The following ABLIM2 variants were observed in gnomAD, a reference collection of about 807,000 sequenced individuals.
ABLIM2 encodes the protein actin binding LIM protein family member 2.
Under a neutral mutation model 97.7 loss-of-function variants are expected in ABLIM2, and 53 were observed. The ratio of observed to expected loss-of-function variants is 0.54; its 90% CI spans 0.44 to 0.68. The LOEUF (loss-of-function observed/expected upper bound fraction) is 0.68, where lower values mean the gene tolerates loss of function less well. ABLIM2 is among the 30% of genes least tolerant of loss of function. ABLIM2 has a pLI of 0.00. For synonymous variants in ABLIM2, 361 were observed against 345.8 expected (o/e 1.04, Z -0.49); for missense variants, 835 against 867.2 (o/e 0.96, Z 0.47).
chr4:7,974,306 TCCACCAATCCATCCAC>T (rs1210666991), intron 20 of ABLIM2, among the ~76,000 whole-genome samples: 5 of 143,920 alleles, frequency 3.5e-5, no homozygotes. Flanking sequence ...CATCCACCCA[TCCACCAATCCATCCAC>T]CCACCAATCC....
rs1361750974 is a variant in ABLIM2 at position 8,127,161 on chromosome 4, A to G, written c.11-20524T>C. Among the ~76,000 whole-genome samples, 1 of 151,932 alleles carries G rather than the reference A, an allele frequency of 6.6e-6. No individual in the cohort carries two copies. The highest frequency in any genetic ancestry group is 1.5e-5 in the Non-Finnish European group (1 of 67,984). ...CTGTGGGTGAGAATCACCACCTTAA[A>G]GGAAAAAAGAAAAGGGAGGGAGGGA... On this transcript the variant is annotated intron_variant, in intron 1 of 20. Coordinates refer to ENST00000447017, the MANE Select transcript of ABLIM2 (RefSeq NM_001130083.2). The surrounding 1 kb of genome is among the most constrained non-coding windows in gnomAD (Gnocchi z 7.3).
chr4:8,152,644 C>T (rs1277272614), intron 1 of ABLIM2, among the ~76,000 whole-genome samples: 1 of 152,242 alleles, frequency 6.6e-6, no homozygotes, highest in African/African-American at 2.4e-5. Context: ...TCTTTCGGGG[C>T]TTCCCCGGGA....
intron 14 of ABLIM2, among the ~76,000 whole-genome samples, chr4:8,013,376 C>T (rs1766435104): frequency 6.6e-6 from 1 of 152,064 alleles, no homozygotes; most frequent in East Asian, 1.9e-4. Flanking sequence ...GTGACCACCA[C>T]CATGCCCGGC....
chr4:7,976,680 CAT>C (rs996057636), intron 20 of ABLIM2, among the ~76,000 whole-genome samples: 41 of 150,578 alleles, frequency 2.7e-4, no homozygotes, highest in East Asian at 1.5e-3. Flanking sequence ...CACACACACA[CAT>C]GTGCATGCAC....
chr4:8,038,947 G>A (rs1786308458), intron 9 of ABLIM2, among the ~76,000 whole-genome samples: 1 of 152,124 alleles, frequency 6.6e-6, no homozygotes, highest in Non-Finnish European at 1.5e-5. Context: ...CCCTCTCTGG[G>A]ATGTGCCCCT....
intron 4 of ABLIM2, among the ~76,000 whole-genome samples, chr4:8,086,856 G>A (rs1470736821): frequency 6.6e-6 from 1 of 151,748 alleles, no homozygotes; most frequent in Admixed American, 6.6e-5. Flanking sequence ...GTCAATCCAG[G>A]CCCCAGCTGG....
chr4:8,133,978 C>T (rs1306303437), intron 1 of ABLIM2, among the ~76,000 whole-genome samples: 2 of 151,898 alleles, frequency 1.3e-5, no homozygotes, highest in Non-Finnish European at 2.9e-5. Context: ...ATGAAGCTGG[C>T]AGGTTGCAGG....
At chr4:8,081,386 G>A (rs183482718) in intron 4 of ABLIM2, among the ~76,000 whole-genome samples, 39 of 152,270 alleles carry the variant, frequency 2.6e-4, no homozygotes, top group Non-Finnish European at 4.6e-4. Context: ...CTGCTCACTT[G>A]TCCTGTGTCC....
intron 14 of ABLIM2, among the ~76,000 whole-genome samples, chr4:8,012,901 C>T (rs1285321724): frequency 6.6e-6 from 1 of 152,232 alleles, no homozygotes; most frequent in Non-Finnish European, 1.5e-5. Context: ...ATCGATCAGT[C>T]CATCTACCCT....
rs949561634 is a variant in ABLIM2 at position 8,033,400 on chromosome 4, T to A, written c.1047+2749A>T. ...CTGCCACGGGCCCTGTGAAGCCCTGTGCCATGGGAGGTGGGAAGCTGAAGG... is the reference window on the plus strand; with the variant it reads ...CTGCCACGGGCCCTGTGAAGCCCTGAGCCATGGGAGGTGGGAAGCTGAAGG... On this transcript the variant is annotated intron_variant, in intron 10 of 20. Transcript: ENST00000447017. This position sits in a 1 kb window ranked among gnomAD's most constrained non-coding sequence, Gnocchi z 4.5. 1.3e-5 allele frequency among the ~76,000 whole-genome samples: 2 copies of A among 152,102 alleles called. No individual in the cohort carries two copies. The highest frequency in any genetic ancestry group is 2.9e-5 in the Non-Finnish European group (2 of 68,002).
rs1374435606 is a variant in ABLIM2 at position 8,102,854 on chromosome 4, T to A, written c.154+3640A>T. Among the ~76,000 whole-genome samples, 3 of 152,210 alleles carry A rather than the reference T, an allele frequency of 2.0e-5. No individual in the cohort carries two copies. The East Asian group carries it at 5.8e-4, about 29-fold the overall frequency. ...GCTAAGTCAGCCACGAGCCCCCCGTTCCTCTTTGCCGGTGGGGGTGAACGT... is the reference window on the plus strand; with the variant it reads ...GCTAAGTCAGCCACGAGCCCCCCGTACCTCTTTGCCGGTGGGGGTGAACGT... On this transcript the variant is annotated intron_variant, in intron 2 of 20. Coordinates refer to ENST00000447017, the MANE Select transcript of ABLIM2 (RefSeq NM_001130083.2).
rs1441446269 is a variant in ABLIM2, at chr4:8,082,548, A to C, written c.455-1746T>G. ...GACCTGAGTCATATTGTTTTTAACA[A>C]TTAAAACAAACGAACACTCACAAAG... On this transcript the variant is annotated intron_variant, in intron 4 of 20. Coordinates refer to ENST00000447017, the MANE Select transcript of ABLIM2 (RefSeq NM_001130083.2). This position sits in a 1 kb window ranked among gnomAD's most constrained non-coding sequence, Gnocchi z 5.6. Among the ~76,000 whole-genome samples, 5 of 152,246 alleles carry C rather than the reference A, an allele frequency of 3.3e-5. No individual in the cohort carries two copies. The highest frequency in any genetic ancestry group is 1.2e-4 in the African/African-American group (5 of 41,466).
chr4:8,097,362 C>CCACA lies in ABLIM2; in HGVS notation c.155-84_155-81dup. ...CCCCAGGCCCGAGGTGCACCCCCCT[C>CCACA]CACACACACACCACCACCTGACACA... On this transcript the variant is annotated intron_variant, in intron 2 of 20. Transcript: ENST00000447017. 3 of 1,484,870 alleles carry CCACA rather than the reference C, an allele frequency of 2.0e-6. No individual in the cohort carries two copies. The South Asian group carries it at 3.7e-5, about 18-fold the overall frequency. The allele number at this position is 1,484,870 out of a possible 1,614,324, so 92.0% of individuals were successfully genotyped here.
In ABLIM2 at chr4:8,032,811, G is replaced by T. The variant is rs1040599817; in HGVS notation, c.1048-3035C>A. The T allele has an allele frequency of 3.3e-6, 3 of 903,182 alleles. No individual in the cohort carries two copies. Among genetic ancestry groups the T allele is most frequent in the Non-Finnish European group, 5.4e-6 (3 of 560,468 alleles). The allele number at this position is 903,182 out of a possible 1,614,324, so 55.9% of individuals were successfully genotyped here. ...AGCCCTGATCCTCCAGACAGGAAAA[G>T]AACTCTACCCCGAGAGACACAAGTC... On this transcript the variant is annotated intron_variant, in intron 10 of 20. Transcript: ENST00000447017. This position sits in a 1 kb window ranked among gnomAD's most constrained non-coding sequence, Gnocchi z 4.3.
At chr4:7,997,872 T>C (rs935013934) in intron 16 of ABLIM2, among the ~76,000 whole-genome samples, 2 of 152,038 alleles carry the variant, frequency 1.3e-5, no homozygotes, top group Non-Finnish European at 2.9e-5. Flanking sequence ...ATCTGCTGTC[T>C]TTTTTTTCTT....
At chr4:8,060,390 A>T (rs577387638) in intron 7 of ABLIM2, among the ~76,000 whole-genome samples, 4 of 152,244 alleles carry the variant, frequency 2.6e-5, no homozygotes, top group African/African-American at 9.6e-5. Context: ...GCCATTTCCC[A>T]TGGGGCCTGT....
rs752326759 is a variant in ABLIM2, at chr4:7,992,940, C to T, written c.1619-13G>A. On this transcript the variant is annotated splice_polypyrimidine_tract_variant and intron_variant, in intron 16 of 20. Coordinates refer to ENST00000447017, the MANE Select transcript of ABLIM2 (RefSeq NM_001130083.2). The surrounding 1 kb of genome is among the most constrained non-coding windows in gnomAD (Gnocchi z 5.7). The stretch of plus-strand genomic sequence containing the variant: ...GAATAGGGGAATCCTGAAACAGACA[C>T]AGCACAGCTTTGTCACGCGCGCAGA... The T allele has an allele frequency of 2.5e-6, 4 of 1,611,928 alleles. No homozygotes were observed. In the East Asian group the frequency reaches 8.9e-5, roughly 36 times the overall value.
At chr4:8,016,460 C>A (rs961260639) in intron 14 of ABLIM2, among the ~76,000 whole-genome samples, 1 of 152,156 alleles carries the variant, frequency 6.6e-6, no homozygotes, top group African/African-American at 2.4e-5. Context: ...AGCCTCAAAG[C>A]CCCACGGGTT....
chr4:7,974,177 A>G (rs1396718706), intron 20 of ABLIM2, among the ~76,000 whole-genome samples: 1 of 151,412 alleles, frequency 6.6e-6, no homozygotes, highest in Non-Finnish European at 1.5e-5. Flanking sequence ...CTGTCTGTCT[A>G]TCTATCTATC....
Sources: allele counts gnomAD v4.1 joint callset (sites outside exome capture counted in the v4.1 genomes callset), GRCh38; gene constraint gnomAD v4.1.1; non-coding constraint Gnocchi (gnomAD v3.1); transcripts MANE v1.5; gene names NCBI Gene and HGNC (gene_info 2026-07-23, HGNC 2026-07-21).